The following LTBP1 variants were observed in gnomAD, a reference collection of about 807,000 sequenced individuals.
LTBP1 encodes latent transforming growth factor beta binding protein 1.
Under a neutral mutation model 207.6 loss-of-function variants are expected in LTBP1, and 129 were observed. The ratio of observed to expected loss-of-function variants is 0.62; its 90% confidence interval spans 0.54 to 0.72. LTBP1 has a LOEUF of 0.72. Ranked by LOEUF, LTBP1 falls within the 30% of genes least tolerant of loss-of-function variation. The pLI is 0.00. For missense variants in LTBP1, 2,281 were observed against 2,217.2 expected, an observed-to-expected ratio of 1.03 and a Z score of -0.58; for synonymous variants, 963 against 833.7, an observed-to-expected ratio of 1.16 and a Z score of -2.67.
At chr2:33,208,949 G>A (rs1014649484) in intron 7 of LTBP1, among the ~76,000 whole-genome samples, 2 of 145,760 alleles carry the variant, frequency 1.4e-5, no homozygotes, top group African/African-American at 5.0e-5. Context: ...CTGACTGCAA[G>A]CTCCGCCTCC....
At chr2:33,093,158 A>G (rs1301449032) in intron 3 of LTBP1, among the ~76,000 whole-genome samples, 1 of 152,238 alleles carries the variant, frequency 6.6e-6, no homozygotes, top group Non-Finnish European at 1.5e-5. Context: ...CATTTTGTTC[A>G]TAACATTCTA....
At chr2:33,192,438 G>T (rs1444778067) in intron 7 of LTBP1, among the ~76,000 whole-genome samples, 1 of 151,666 alleles carries the variant, frequency 6.6e-6, no homozygotes, top group African/African-American at 2.4e-5. Flanking sequence ...AATACCAAGG[G>T]TAAAGAAACA....
chr2:33,287,631 G>T (rs2093691473), intron 19 of LTBP1, among the ~76,000 whole-genome samples: 1 of 152,184 alleles, frequency 6.6e-6, no homozygotes, highest in Admixed American at 6.5e-5. Context: ...CAATAATTTG[G>T]TGGGATTAGT....
chr2:33,115,303 C>A (rs990899135), intron 4 of LTBP1, among the ~76,000 whole-genome samples: 2 of 152,022 alleles, frequency 1.3e-5, no homozygotes, highest in Middle Eastern at 3.2e-3. Context: ...GTAGGCAAAT[C>A]CACAGACACG....
At chr2:32,968,934 G>C (rs1352888832) in intron 2 of LTBP1, among the ~76,000 whole-genome samples, 1 of 43,980 alleles carries the variant, frequency 2.3e-5, no homozygotes, top group African/African-American at 8.3e-5. Context: ...TTTTTTTTTT[G>C]AGGCGGTGTC....
At chr2:33,350,918 A>T (rs1254598460) in intron 26 of LTBP1, among the ~76,000 whole-genome samples, 1 of 152,188 alleles carries the variant, frequency 6.6e-6, no homozygotes, top group African/African-American at 2.4e-5. Flanking sequence ...TACAGAGGAA[A>T]TTCTGTGGTA....
intron 5 of LTBP1, among the ~76,000 whole-genome samples, chr2:33,185,026 G>A (rs1275183978): frequency 2.0e-5 from 3 of 152,170 alleles, no homozygotes; most frequent in Admixed American, 1.3e-4. Context: ...GTGAGGTTCA[G>A]GCAGAGTCTG....
chr2:33,168,950 A>G (rs1200888301), intron 5 of LTBP1, among the ~76,000 whole-genome samples: 3 of 152,246 alleles, frequency 2.0e-5, no homozygotes, highest in Non-Finnish European at 4.4e-5. Context: ...TTTAAAAGAA[A>G]TAAAAGACCA....
At chr2:33,164,436 G>A (rs1558735670) in intron 5 of LTBP1, among the ~76,000 whole-genome samples, 1 of 150,830 alleles carries the variant, frequency 6.6e-6, no homozygotes, top group Admixed American at 6.6e-5. Flanking sequence ...CCCATACCGG[G>A]AACCAAAAGA....
In LTBP1 at chr2:33,360,754, C is replaced by A; in HGVS notation, c.4158C>A (p.Ile1386=). The A allele has an allele frequency of 6.2e-7, 1 of 1,614,004 alleles. No homozygotes were observed. The highest frequency in any genetic ancestry group is 8.5e-7 in the Non-Finnish European group (1 of 1,179,882). The change falls in exon 27 of 34, where the codon ATC becomes ATA. Residue 1386 remains isoleucine, a synonymous_variant. Transcript: ENST00000404816. ...SGVGWGDNCE[I]FPCPVLGTAE... ...TGGGATGGGGAGATAACTGCGAAAT[C>A]TTCCCCTGCCCGGTCTTGGGAACTG...
chr2:33,211,222 A>G (rs2090287025), intron 7 of LTBP1, among the ~76,000 whole-genome samples: 1 of 152,174 alleles, frequency 6.6e-6, no homozygotes, highest in Non-Finnish European at 1.5e-5. Context: ...TAATAGTTAA[A>G]TATCTGAAGA....
intron 2 of LTBP1, among the ~76,000 whole-genome samples, chr2:32,971,708 A>G (rs189327576): frequency 1.6e-3 from 236 of 152,166 alleles, no homozygotes; most frequent in African/African-American, 5.5e-3. Flanking sequence ...TATTTTGTTG[A>G]GGATTTTGTA....
chr2:33,142,269 A>T (rs541778532), intron 5 of LTBP1, among the ~76,000 whole-genome samples: 1 of 151,614 alleles, frequency 6.6e-6, no homozygotes. Context: ...GTTAGCCAGG[A>T]TGGTCTCGAT....
intron 31 of LTBP1, among the ~76,000 whole-genome samples, chr2:33,382,232 C>T (rs1298315652): frequency 6.6e-6 from 1 of 151,486 alleles, no homozygotes; most frequent in African/African-American, 2.4e-5. Context: ...GTAGCTGGGA[C>T]TACAGGTGCA....
intron 31 of LTBP1, among the ~76,000 whole-genome samples, chr2:33,383,541 T>G (rs375964422): frequency 2.8e-4 from 43 of 152,258 alleles, no homozygotes; most frequent in Admixed American, 1.2e-3. Flanking sequence ...GACCCACTTT[T>G]CTGCTTCTTT....
rs550104815 is a variant in LTBP1, at chr2:33,331,190, T to C, written c.3731-11648T>C. 2.4e-4 allele frequency among the ~76,000 whole-genome samples: 36 copies of C among 151,718 alleles called. 1 individual carries two copies. The South Asian group carries it at 7.0e-3, about 30-fold the overall frequency. ...TTCAAAGAAACAACTTATGTGGATTTGTTTCCTTTGTTTTCTATTTTATTA... is the reference window on the plus strand; with the variant it reads ...TTCAAAGAAACAACTTATGTGGATTCGTTTCCTTTGTTTTCTATTTTATTA... On this transcript the variant is annotated intron_variant, in intron 24 of 33. Transcript: ENST00000404816.
intron 15 of LTBP1, among the ~76,000 whole-genome samples, chr2:33,265,668 GA>G (rs1264673181): frequency 1.3e-5 from 2 of 152,048 alleles, no homozygotes; most frequent in African/African-American, 2.4e-5. Flanking sequence ...AATGCTGGGA[GA>G]AAATACACTA....
intron 4 of LTBP1, among the ~76,000 whole-genome samples, chr2:33,127,844 A>C (rs987895699): frequency 1.3e-5 from 2 of 152,154 alleles, no homozygotes; most frequent in African/African-American, 4.8e-5. Flanking sequence ...TTTTTAGGGA[A>C]AGGAAACTGC....
At chr2:33,247,118 G>A (rs956631889) in intron 10 of LTBP1, among the ~76,000 whole-genome samples, 1 of 152,148 alleles carries the variant, frequency 6.6e-6, no homozygotes, top group Non-Finnish European at 1.5e-5. Flanking sequence ...TCTGAGCCTG[G>A]GCTTTTGCCT....
Sources: gnomAD v4.1 joint callset for allele counts (sites outside exome capture counted in the v4.1 genomes callset) on GRCh38, gnomAD v4.1.1 for gene constraint, MANE v1.5 for transcripts, NCBI Gene and HGNC (gene_info 2026-07-23, HGNC 2026-07-21) for gene names.